The following RPS6KC1 variants were observed in gnomAD, a reference collection of about 807,000 sequenced individuals.
RPS6KC1 encodes ribosomal protein S6 kinase C1.
RPS6KC1 carries 54 observed loss-of-function variants against 103.8 expected under a neutral mutation model. That is an observed-to-expected ratio of 0.52 (90% CI 0.42 to 0.65). The LOEUF (loss-of-function observed/expected upper bound fraction) is 0.65. Ranked by LOEUF, RPS6KC1 falls within the 30% of genes least tolerant of loss-of-function variation. RPS6KC1 has a pLI of 0.00. For synonymous variants in RPS6KC1, 439 were observed against 438.7 expected, an observed-to-expected ratio of 1.00 and a Z score of -0.01; for missense variants, 1,151 against 1,253.8, an observed-to-expected ratio of 0.92 and a Z score of 1.24.
the RPS6KC1 span, among the ~76,000 whole-genome samples, chr1:213,508,229 A>G: frequency 5.9e-5 from 9 of 152,338 alleles, no homozygotes; most frequent in Middle Eastern, 3.4e-3. Context: ...GATTAATATA[A>G]TAGATATGCT....
chr1:213,629,260 G>C, the RPS6KC1 span, among the ~76,000 whole-genome samples: 1 of 151,828 alleles, frequency 6.6e-6, no homozygotes, highest in Non-Finnish European at 1.5e-5. Flanking sequence ...TATGAATCTG[G>C]GTGCTCCTGT....
chr1:213,355,089 ATGCC>A, the RPS6KC1 span, among the ~76,000 whole-genome samples: 1 of 152,114 alleles, frequency 6.6e-6, no homozygotes, highest in African/African-American at 2.4e-5. Context: ...GTGGTGGCGT[ATGCC>A]TATAATTCCA....
the RPS6KC1 span, among the ~76,000 whole-genome samples, chr1:213,489,491 A>G: frequency 6.6e-6 from 1 of 152,194 alleles, no homozygotes; most frequent in Non-Finnish European, 1.5e-5. Context: ...TTCATTCAAT[A>G]AGCATTTATT....
intron 5 of RPS6KC1, among the ~76,000 whole-genome samples, chr1:213,119,530 G>T (rs1341710004): frequency 1.4e-4 from 20 of 140,386 alleles, no homozygotes; most frequent in African/African-American, 5.4e-4. Flanking sequence ...GCAATAGTCA[G>T]AAATGCAGAA....
the RPS6KC1 span, among the ~76,000 whole-genome samples, chr1:213,311,908 T>C: frequency 1.3e-5 from 2 of 150,050 alleles, no homozygotes; most frequent in Non-Finnish European, 3.0e-5. Context: ...TTTTTTTTTT[T>C]TTTTCCCAAG....
the RPS6KC1 span, among the ~76,000 whole-genome samples, chr1:213,689,414 C>T: frequency 7.2e-5 from 11 of 152,322 alleles, no homozygotes; most frequent in South Asian, 1.5e-3. Context: ...GCTGAAAGGG[C>T]GTGAATAATC....
the RPS6KC1 span, among the ~76,000 whole-genome samples, chr1:213,500,418 T>C: frequency 1.3e-5 from 2 of 152,160 alleles, no homozygotes; most frequent in East Asian, 3.8e-4. Context: ...TGCCTGAGGC[T>C]CTTTTATAGT....
chr1:213,175,094 A>G (rs1049895321), intron 7 of RPS6KC1, among the ~76,000 whole-genome samples: 1 of 152,232 alleles, frequency 6.6e-6, no homozygotes, highest in African/African-American at 2.4e-5. Flanking sequence ...AGAAAAATTC[A>G]CAAATGGTAG....
intron 12 of RPS6KC1, among the ~76,000 whole-genome samples, chr1:213,249,414 A>G (rs1242480943): frequency 6.6e-6 from 1 of 152,222 alleles, no homozygotes; most frequent in African/African-American, 2.4e-5. Flanking sequence ...ATAAATGTTT[A>G]AAAATGCTAA....
the RPS6KC1 span, among the ~76,000 whole-genome samples, chr1:213,730,111 T>G: frequency 6.6e-6 from 1 of 152,246 alleles, no homozygotes; most frequent in Admixed American, 6.5e-5. Flanking sequence ...TCTTATTCTT[T>G]TTAATGGCTG....
chr1:213,231,127 A>G (rs2094094784), intron 9 of RPS6KC1, among the ~76,000 whole-genome samples: 1 of 152,132 alleles, frequency 6.6e-6, no homozygotes, highest in South Asian at 2.1e-4. Context: ...AAACTGAAGA[A>G]CCATTTTGTG....
the RPS6KC1 span, among the ~76,000 whole-genome samples, chr1:213,813,510 A>ACCT: frequency 6.6e-6 from 1 of 152,200 alleles, no homozygotes. Flanking sequence ...AAGCCACTCA[A>ACCT]GGATGTTAAT....
the RPS6KC1 span, among the ~76,000 whole-genome samples, chr1:213,847,088 A>T: frequency 6.6e-6 from 1 of 152,182 alleles, no homozygotes; most frequent in Non-Finnish European, 1.5e-5. Flanking sequence ...ATGCATTCTA[A>T]CAGTTGGCCT....
At chr1:213,853,382 C>G in the RPS6KC1 span, among the ~76,000 whole-genome samples, 1 of 152,146 alleles carries the variant, frequency 6.6e-6, no homozygotes, top group South Asian at 2.1e-4. Flanking sequence ...GTCCTTAACC[C>G]CTTTGAGCCC....
In RPS6KC1 at chr1:213,095,869, G is replaced by A. The variant is rs141568627; in HGVS notation, c.263-8585G>A. 6.6e-5 allele frequency among the ~76,000 whole-genome samples: 10 copies of A among 152,280 alleles called. No homozygotes were observed. The East Asian group carries it at 7.7e-4, about 12-fold the overall frequency. ...GTGGTAGTCTTTTTGCTCATGGTGCGTCTTGTCTCCATGTTGATGGCTGCC... is the reference window on the plus strand; with the variant it reads ...GTGGTAGTCTTTTTGCTCATGGTGCATCTTGTCTCCATGTTGATGGCTGCC... On this transcript the variant is annotated intron_variant, in intron 3 of 14. Transcript: ENST00000366960.
the RPS6KC1 span, among the ~76,000 whole-genome samples, chr1:213,446,768 A>G: frequency 6.6e-6 from 1 of 152,322 alleles, no homozygotes; most frequent in Non-Finnish European, 1.5e-5. Context: ...CGTTATTACT[A>G]CTGCTATGAT....
At chr1:213,390,370 G>A in the RPS6KC1 span, among the ~76,000 whole-genome samples, 589 of 152,194 alleles carry the variant, frequency 3.9e-3, 2 homozygotes, top group African/African-American at 8.5e-3. Flanking sequence ...TAATCCTTCC[G>A]TTGTAATACA....
chr1:213,227,541 G>A (rs2093988926), intron 8 of RPS6KC1, among the ~76,000 whole-genome samples: 1 of 152,216 alleles, frequency 6.6e-6, no homozygotes. Context: ...GGAAGCTCAG[G>A]AGAGGAATCT....
the RPS6KC1 span, among the ~76,000 whole-genome samples, chr1:213,456,282 A>G: frequency 1.3e-5 from 2 of 152,146 alleles, 1 homozygote; most frequent in South Asian, 4.2e-4. Flanking sequence ...AGGTCCTTGT[A>G]TTAATATATA....
Sources: allele counts gnomAD v4.1 joint callset (sites outside exome capture counted in the v4.1 genomes callset), GRCh38; gene constraint gnomAD v4.1.1; transcripts MANE v1.5; gene names NCBI Gene and HGNC (gene_info 2026-07-23, HGNC 2026-07-21).